The following ZC3H8 variants were observed in gnomAD, a reference collection of about 807,000 sequenced individuals.
ZC3H8 encodes the protein zinc finger CCCH domain-containing protein 8.
ZC3H8 carries 27 observed loss-of-function variants against 42.5 expected under a neutral mutation model. The ratio of observed to expected loss-of-function variants is 0.64; its 90% CI spans 0.47 to 0.88. The LOEUF (loss-of-function observed/expected upper bound fraction) is 0.88, where lower values mean the gene tolerates loss of function less well. Ranked by LOEUF, ZC3H8 falls within the 40% of genes least tolerant of loss-of-function variation. ZC3H8 has a pLI of 0.00. For missense variants in ZC3H8, 277 were observed against 336.1 expected, an observed-to-expected ratio of 0.82 and a Z score of 1.37; for synonymous variants, 101 against 110.1, an observed-to-expected ratio of 0.92 and a Z score of 0.52.
chr2:112,239,561 G>A (rs1685492871), intron 2 of ZC3H8, among the ~76,000 whole-genome samples: 1 of 147,848 alleles, frequency 6.8e-6, no homozygotes, highest in South Asian at 2.1e-4. Flanking sequence ...ATATTAGGTG[G>A]CCCAATTTAA....
intron 8 of ZC3H8, among the ~76,000 whole-genome samples, chr2:112,223,350 T>C (rs939765076): frequency 2.4e-4 from 36 of 152,166 alleles, no homozygotes; most frequent in African/African-American, 8.4e-4. Context: ...TTAGATGTAA[T>C]GGACAAATTT....
At position 112,234,195 on chromosome 2, in the gene ZC3H8, T is replaced by G; in HGVS notation, c.546A>C (p.Ala182=). ...PKEKQQHLSQ[A]FINQHTVERK... ...GTTCCACTGTATGTTGGTTGATGAA[T>G]GCCTGACTCAAATGCTGCTGCTTCT... is the stretch of plus-strand genomic sequence containing the variant. The change falls in exon 5 of 9, where the codon GCA becomes GCC. Residue 182 remains alanine, a synonymous_variant. Transcript: ENST00000409573. 2.5e-6 allele frequency: 4 copies of G among 1,610,168 alleles called. No individual in the cohort carries two copies. The highest frequency in any genetic ancestry group is 3.4e-6 in the Non-Finnish European group (4 of 1,178,740).
chr2:112,231,226 C>T (rs1348401690), intron 7 of ZC3H8, among the ~76,000 whole-genome samples: 1 of 152,110 alleles, frequency 6.6e-6, no homozygotes, highest in Non-Finnish European at 1.5e-5. Flanking sequence ...TAAACAAGCA[C>T]CTTTGACTTT....
intron 2 of ZC3H8, among the ~76,000 whole-genome samples, chr2:112,248,497 A>AT (rs950609121): frequency 8.9e-4 from 133 of 149,490 alleles, no homozygotes; most frequent in African/African-American, 2.7e-3. Context: ...GTTAAAACTC[A>AT]TTTTTTTTTT....
intron 2 of ZC3H8, chr2:112,249,957 ATGTC>A: frequency 3.5e-6 from 1 of 281,740 alleles, no homozygotes; most frequent in East Asian, 1.2e-4. Context: ...TATTAAACAT[ATGTC>A]ATGTTAAATG....
intron 8 of ZC3H8, among the ~76,000 whole-genome samples, chr2:112,228,193 G>C (rs1337676709): frequency 6.6e-6 from 1 of 152,088 alleles, no homozygotes; most frequent in African/African-American, 2.4e-5. Flanking sequence ...AGGGGGAAGG[G>C]GCAGTCTTTT....
intron 2 of ZC3H8, among the ~76,000 whole-genome samples, chr2:112,249,221 GAC>G (rs1685860995): frequency 6.6e-6 from 1 of 152,072 alleles, no homozygotes; most frequent in South Asian, 2.1e-4. Context: ...AGACAATTCA[GAC>G]ACAGGCATAC....
intron 8 of ZC3H8, among the ~76,000 whole-genome samples, chr2:112,219,236 G>C (rs1684478343): frequency 6.6e-6 from 1 of 152,110 alleles, no homozygotes; most frequent in Admixed American, 6.6e-5. Flanking sequence ...ATAAAAGATA[G>C]ACATATAGAG....
At chr2:112,225,729 A>G (rs1423451724) in intron 8 of ZC3H8, among the ~76,000 whole-genome samples, 2 of 152,204 alleles carry the variant, frequency 1.3e-5, no homozygotes, top group African/African-American at 4.8e-5. Context: ...AGGCAGGAAT[A>G]TCACTTGAAC....
chr2:112,224,861 T>C (rs887815785), intron 8 of ZC3H8, among the ~76,000 whole-genome samples: 3 of 152,216 alleles, frequency 2.0e-5, no homozygotes, highest in African/African-American at 7.2e-5. Flanking sequence ...GGGAACATTC[T>C]GGGGTGATGG....
rs375875405 is a variant in ZC3H8 at position 112,253,246 on chromosome 2, T to C, written c.74+1662A>G. On this transcript the variant is annotated intron_variant, in intron 1 of 8. Transcript: ENST00000409573. ...AGGGCATTTAGTACCACCTAAAATA[T>C]GATATATTTATGTATGTCTCCCCCT... is the stretch of plus-strand genomic sequence containing the variant. Among the ~76,000 whole-genome samples, 234 of 152,286 alleles carry C rather than the reference T, an allele frequency of 1.5e-3. 7 individuals carry two copies. In the South Asian group the frequency reaches 0.048, roughly 31 times the overall value.
intron 2 of ZC3H8, among the ~76,000 whole-genome samples, chr2:112,249,544 A>G (rs1373795269): frequency 6.6e-6 from 1 of 152,142 alleles, no homozygotes; most frequent in African/African-American, 2.4e-5. Flanking sequence ...CCTGGGTTCA[A>G]GTGATTCTTC....
chr2:112,248,727 T>C (rs1685844204), intron 2 of ZC3H8, among the ~76,000 whole-genome samples: 1 of 152,192 alleles, frequency 6.6e-6, no homozygotes, highest in Non-Finnish European at 1.5e-5. Flanking sequence ...GATAGGAATA[T>C]ACATTACCTT....
Position 112,213,883 on chromosome 2 carries a change from T to G in ZC3H8, c.*2601A>C, listed in dbSNP as rs987148701. On this transcript the variant is annotated 3_prime_UTR_variant, in exon 9 of 9. Transcript: ENST00000409573. The stretch of plus-strand genomic sequence containing the variant: ...CCCATATGAAACCTGTCACACAGAA[T>G]TTTAGAAATGAGAATTCTGTCCATT... 2.0e-5 allele frequency: 3 copies of G among 151,046 alleles called. No homozygotes were observed. Among genetic ancestry groups the G allele is most frequent in the Non-Finnish European group, 2.9e-5 (2 of 67,874 alleles). The allele number at this position is 151,046 out of a possible 1,614,324, so 9.4% of individuals were successfully genotyped here. A position where few individuals can be genotyped will look rare whatever the true frequency, so the allele number is the denominator to read the frequency against.
chr2:112,217,013 C>T (rs944452150), intron 8 of ZC3H8, among the ~76,000 whole-genome samples: 6 of 152,064 alleles, frequency 3.9e-5, no homozygotes, highest in African/African-American at 7.2e-5. Context: ...TGGTTGAGCC[C>T]GCAGAGCAAA....
Position 112,250,221 on chromosome 2 carries a change from A to G in ZC3H8, c.126T>C (p.Ile42=). Residue 42 remains isoleucine (I), a synonymous_variant, in exon 2 of 9, where the codon ATT becomes ATC. Coordinates refer to ENST00000409573, the MANE Select transcript of ZC3H8 (RefSeq NM_032494.3). ...TEVEETQEEK[I]KLECEQIPKK... is the part of the protein sequence containing the mutation. ...TGGGAATTTGCTCGCACTCCAGTTT[A>G]ATTTTCTCTTCTTGTGTTTCTTCAA... The G allele has an allele frequency of 1.1e-5, 17 of 1,569,408 alleles. No homozygotes were observed. The highest frequency in any genetic ancestry group is 1.5e-5 in the Non-Finnish European group (17 of 1,155,808).
chr2:112,229,060 G>A (rs961756599), intron 8 of ZC3H8, among the ~76,000 whole-genome samples: 15 of 152,240 alleles, frequency 9.9e-5, no homozygotes, highest in African/African-American at 2.4e-4. Flanking sequence ...GTGTTGCTAC[G>A]GTAATTAAGA....
chr2:112,227,013 G>C, intron 8 of ZC3H8, among the ~76,000 whole-genome samples: 1 of 152,096 alleles, frequency 6.6e-6, no homozygotes, highest in South Asian at 2.1e-4. Context: ...CATGATAAAA[G>C]TACTCAAAAA....
chr2:112,237,684 T>C (rs1685398368), intron 3 of ZC3H8, among the ~76,000 whole-genome samples: 1 of 151,988 alleles, frequency 6.6e-6, no homozygotes, highest in African/African-American at 2.4e-5. Flanking sequence ...CAAGTGATTC[T>C]CGTGCCTCAG....
Sources: gnomAD v4.1 joint callset for allele counts (sites outside exome capture counted in the v4.1 genomes callset) on GRCh38, gnomAD v4.1.1 for gene constraint, MANE v1.5 for transcripts, NCBI Gene and HGNC (gene_info 2026-07-23, HGNC 2026-07-21) for gene names.